The following PRKG1 variants were observed in gnomAD, a reference collection of about 807,000 sequenced individuals.
PRKG1 encodes the protein cGMP-dependent protein kinase 1.
A neutral mutation model predicts 88.1 loss-of-function variants in PRKG1; 35 were observed. The ratio of observed to expected loss-of-function variants is 0.40; its 90% CI spans 0.30 to 0.53. PRKG1 has a LOEUF of 0.53. Ranked by LOEUF, PRKG1 falls within the 20% of genes least tolerant of loss-of-function variation. PRKG1 has a pLI of 0.59. For synonymous variants in PRKG1, 303 were observed against 292.5 expected (o/e 1.04, Z -0.37); for missense variants, 540 against 839.8 (o/e 0.64, Z 4.41).
In PRKG1 at chr10:52,193,548, C is replaced by CAAAA. The variant is rs34730000; in HGVS notation, c.1076+31596_1076+31599dup. ...GAACAAAAAGAGTGAGACTCTGTCT[C>CAAAA]AAAAAAAAAAAAAACAAAAAAAAAA... On this transcript the variant is annotated intron_variant, in intron 9 of 17. Coordinates refer to ENST00000373980, the MANE Select transcript of PRKG1 (RefSeq NM_006258.4). Among the ~76,000 whole-genome samples the CAAAA allele has an allele frequency of 3.8e-3, 163 of 42,822 alleles. 9 individuals are homozygous for CAAAA. Among genetic ancestry groups the CAAAA allele is most frequent in the African/African-American group, 0.011 (150 of 13,534 alleles). 28.1% of individuals were successfully genotyped at this position (42,822 alleles called of 152,430 possible).
intron 4 of PRKG1, among the ~76,000 whole-genome samples, chr10:51,809,071 G>C (rs1423833308): frequency 1.3e-5 from 2 of 152,124 alleles, no homozygotes; most frequent in Non-Finnish European, 2.9e-5. Flanking sequence ...CTGCTAACAG[G>C]CAAGAGTTTT....
chr10:51,216,228 T>G (rs145224527), intron 2 of PRKG1, among the ~76,000 whole-genome samples: 61 of 152,332 alleles, frequency 4.0e-4, no homozygotes, highest in African/African-American at 1.4e-3. Context: ...TGACTAAAGA[T>G]AACTACTTGG....
chr10:52,262,567 G>T (rs1841458147), intron 10 of PRKG1, among the ~76,000 whole-genome samples: 1 of 152,076 alleles, frequency 6.6e-6, no homozygotes, highest in Non-Finnish European at 1.5e-5. Context: ...CACCGCACTT[G>T]GTCTGGTTTT....
chr10:51,535,776 G>A (rs1302952444), intron 3 of PRKG1, among the ~76,000 whole-genome samples: 3 of 150,316 alleles, frequency 2.0e-5, no homozygotes, highest in Admixed American at 6.6e-5. Context: ...CCAGGCTGGA[G>A]TGAAATGGCA....
intron 1 of PRKG1, among the ~76,000 whole-genome samples, chr10:51,082,010 G>A (rs1439231730): frequency 6.6e-6 from 1 of 152,092 alleles, no homozygotes; most frequent in East Asian, 1.9e-4. Flanking sequence ...CAGCATCTGG[G>A]CCTCCAAAGA....
intron 3 of PRKG1, among the ~76,000 whole-genome samples, chr10:51,689,750 A>G (rs1434429332): frequency 1.3e-5 from 2 of 152,196 alleles, no homozygotes; most frequent in Non-Finnish European, 2.9e-5. Context: ...GAGTAAAGAG[A>G]ATCAACTAGC....
intron 7 of PRKG1, among the ~76,000 whole-genome samples, chr10:52,075,400 A>T (rs921979468): frequency 6.6e-6 from 1 of 152,210 alleles, no homozygotes; most frequent in East Asian, 1.9e-4. Context: ...ATGATTTTAA[A>T]ATTTATGTGG....
intron 3 of PRKG1, among the ~76,000 whole-genome samples, chr10:51,751,768 C>G (rs981322943): frequency 6.6e-6 from 1 of 151,798 alleles, no homozygotes; most frequent in Non-Finnish European, 1.5e-5. Flanking sequence ...TTTTAAGGTC[C>G]TTGAACTCCA....
chr10:51,171,269 A>G (rs1846699118), intron 2 of PRKG1, among the ~76,000 whole-genome samples: 5 of 152,138 alleles, frequency 3.3e-5, no homozygotes, highest in Admixed American at 3.3e-4. Context: ...AGGGTACAGT[A>G]ATAATCGTGT....
chr10:52,223,670 C>T (rs1840309413), intron 9 of PRKG1, among the ~76,000 whole-genome samples: 1 of 152,156 alleles, frequency 6.6e-6, no homozygotes, highest in Non-Finnish European at 1.5e-5. Context: ...ATCTAGCAAC[C>T]TATTTGAAAA....
intron 4 of PRKG1, among the ~76,000 whole-genome samples, chr10:51,809,936 A>G (rs1021682857): frequency 2.0e-5 from 3 of 152,082 alleles, no homozygotes; most frequent in African/African-American, 4.8e-5. Flanking sequence ...TCCCAGTCAC[A>G]GGTACTGTTT....
intron 1 of PRKG1, among the ~76,000 whole-genome samples, chr10:51,090,185 C>A (rs1178113047): frequency 6.6e-6 from 1 of 152,120 alleles, no homozygotes; most frequent in East Asian, 1.9e-4. Context: ...GTATGGGGCT[C>A]AATAAACAGT....
intron 5 of PRKG1, among the ~76,000 whole-genome samples, chr10:52,010,868 A>C (rs1296660723): frequency 2.0e-5 from 3 of 152,340 alleles, no homozygotes; most frequent in Non-Finnish European, 2.9e-5. Flanking sequence ...TCCAGAAAGA[A>C]AAAGCCAAAC....
intron 5 of PRKG1, among the ~76,000 whole-genome samples, chr10:51,999,278 A>G (rs1844533503): frequency 6.6e-6 from 1 of 152,204 alleles, no homozygotes; most frequent in South Asian, 2.1e-4. Flanking sequence ...TGTCCGGGAC[A>G]GAACTACAAT....
intron 7 of PRKG1, among the ~76,000 whole-genome samples, chr10:52,096,087 A>G (rs952176621): frequency 2.0e-5 from 3 of 152,130 alleles, no homozygotes; most frequent in Non-Finnish European, 4.4e-5. Context: ...TAGAGGCTGT[A>G]GGGTCTCTGT....
intron 4 of PRKG1, among the ~76,000 whole-genome samples, chr10:51,829,386 A>T (rs1474687605): frequency 1.3e-5 from 2 of 152,202 alleles, no homozygotes; most frequent in Non-Finnish European, 2.9e-5. Context: ...CCTTGGGATC[A>T]GTCAGGGATT....
intron 2 of PRKG1, among the ~76,000 whole-genome samples, chr10:51,193,818 C>T (rs1412576228): frequency 6.6e-6 from 1 of 152,094 alleles, no homozygotes. Flanking sequence ...CAACTTTTCT[C>T]AGCCCCTAAT....
At chr10:51,233,350 C>T (rs903389206) in intron 2 of PRKG1, among the ~76,000 whole-genome samples, 2 of 152,154 alleles carry the variant, frequency 1.3e-5, no homozygotes, top group Non-Finnish European at 2.9e-5. Context: ...GTGTGCATAA[C>T]TATGACTTGA....
chr10:52,175,479 T>C (rs879686872), intron 9 of PRKG1, among the ~76,000 whole-genome samples: 57 of 152,210 alleles, frequency 3.7e-4, no homozygotes, highest in Non-Finnish European at 5.3e-4. Flanking sequence ...CTCTTCAATA[T>C]ACTGATTTCC....
Sources: allele counts gnomAD v4.1 joint callset (sites outside exome capture counted in the v4.1 genomes callset), GRCh38; gene constraint gnomAD v4.1.1; transcripts MANE v1.5; gene names NCBI Gene and HGNC (gene_info 2026-07-23, HGNC 2026-07-21).